Variants in PARVA observed in about 807,000 individuals in gnomAD.
The protein encoded by PARVA is alpha-parvin.
Under a neutral mutation model 52.6 loss-of-function variants are expected in PARVA, and 25 were observed. The observed-to-expected ratio is 0.48, with a 90% CI of 0.35 to 0.66. PARVA has a LOEUF of 0.66. Ranked by LOEUF, PARVA falls within the 30% of genes least tolerant of loss-of-function variation. The probability of loss-of-function intolerance (pLI) is 0.01; values close to 1 mark genes in which losing one functional copy is unlikely to be tolerated. For missense variants in PARVA, 373 were observed against 450.9 expected (o/e 0.83, Z 1.56); for synonymous variants, 185 against 179.1 (o/e 1.03, Z -0.26).
At chr11:12,389,356 C>T (rs1317063328) in intron 1 of PARVA, among the ~76,000 whole-genome samples, 1 of 152,292 alleles carries the variant, frequency 6.6e-6, no homozygotes, top group African/African-American at 2.4e-5. Flanking sequence ...GTCTGAGAAG[C>T]ATGGCCACCA....
chr11:12,422,142 G>A (rs1940159371), intron 1 of PARVA, among the ~76,000 whole-genome samples: 1 of 151,926 alleles, frequency 6.6e-6, no homozygotes, highest in Non-Finnish European at 1.5e-5. Flanking sequence ...TCTATCCATA[G>A]GTCAATTCAC....
In PARVA at chr11:12,484,506, TG is replaced by T. The variant is rs1445135125; in HGVS notation, c.400+6558del. 0.023 allele frequency among the ~76,000 whole-genome samples: 100 copies of T among 4,278 alleles called. 3 individuals are homozygous for T. In the East Asian group the frequency reaches 0.5, roughly 21 times the overall value. 2.8% of individuals were successfully genotyped at this position (4,278 alleles called of 152,430 possible). On this transcript the variant is annotated intron_variant, in intron 4 of 12. Transcript: ENST00000334956. The stretch of plus-strand genomic sequence containing the variant: ...CTGCAGGAGGGTGGTTTTGTTTTGG[TG>T]TGTGTGTGTGTGTGTGTGTGTGTGT...
At chr11:12,453,551 G>A (rs1160457557) in intron 1 of PARVA, among the ~76,000 whole-genome samples, 2 of 152,076 alleles carry the variant, frequency 1.3e-5, no homozygotes, top group Non-Finnish European at 2.9e-5. Flanking sequence ...AATCAGTGAA[G>A]GCTAATAGGC....
rs1178310401 is a variant in PARVA, at chr11:12,393,652, G to A, written c.136+15869G>A. Among the ~76,000 whole-genome samples the A allele has an allele frequency of 2.5e-4, 38 of 152,124 alleles. 1 individual carries two copies. Among genetic ancestry groups the A allele is most frequent in the Admixed American group, 2.0e-3 (31 of 15,284 alleles). On this transcript the variant is annotated intron_variant, in intron 1 of 12. Transcript: ENST00000334956. ...CTTGGGGGACCAGCCTGAATGTGGC[G>A]TATGTCACATCTGCCACTTCCCACT...
At position 12,511,491 on chromosome 11, in the gene PARVA, TTTTC is replaced by T; in HGVS notation, c.717-17_717-14del. On this transcript the variant is annotated intron_variant, in intron 7 of 12. Coordinates refer to ENST00000334956, the MANE Select transcript of PARVA (RefSeq NM_018222.5). ...AAGGGACAAGAGAAGAGTCACACTATTTTCTTTCTCTTTTTCCTCCAGGGCTCTT... is the reference window on the plus strand; with the variant it reads ...AAGGGACAAGAGAAGAGTCACACTATTTTCTCTTTTTCCTCCAGGGCTCTT... 6.2e-7 allele frequency: 1 copy of T among 1,611,500 alleles called. No individual in the cohort carries two copies. Among genetic ancestry groups the T allele is most frequent in the Non-Finnish European group, 8.5e-7 (1 of 1,178,744 alleles).
At chr11:12,470,199 A>C (rs1032872491) in intron 1 of PARVA, among the ~76,000 whole-genome samples, 2 of 152,250 alleles carry the variant, frequency 1.3e-5, no homozygotes, top group African/African-American at 4.8e-5. Flanking sequence ...TTCTGCCTCA[A>C]CTCATAACCT....
At chr11:12,402,648 AG>A (rs1278520050) in intron 1 of PARVA, among the ~76,000 whole-genome samples, 1 of 152,250 alleles carries the variant, frequency 6.6e-6, no homozygotes, top group Non-Finnish European at 1.5e-5. Flanking sequence ...ATACACATCA[AG>A]TGCATAGAAC....
At chr11:12,518,921 C>T (rs181283780) in intron 12 of PARVA, among the ~76,000 whole-genome samples, 49 of 152,256 alleles carry the variant, frequency 3.2e-4, no homozygotes, top group Admixed American at 2.8e-3. Context: ...CTTACAGATG[C>T]GGAGCTCTGC....
rs774924264 is a variant in PARVA at position 12,477,835 on chromosome 11, C to G, written c.298-12C>G. 1.4e-6 allele frequency: 2 copies of G among 1,397,326 alleles called. No individual in the cohort carries two copies. 86.6% of individuals were successfully genotyped at this position (1,397,326 alleles called of 1,614,324 possible). A position where few individuals can be genotyped will look rare whatever the true frequency, so the allele number is the denominator to read the frequency against. ...TCTTACTATTGCACATTCCCTTTCT[C>G]TCTCTCTGTAGGTATTAATTGACTG... is the stretch of plus-strand genomic sequence containing the variant. On this transcript the variant is annotated splice_polypyrimidine_tract_variant and intron_variant, in intron 3 of 12. Transcript: ENST00000334956.
chr11:12,486,448 G>A (rs1426998351), intron 4 of PARVA, among the ~76,000 whole-genome samples: 4 of 151,740 alleles, frequency 2.6e-5, no homozygotes, highest in Non-Finnish European at 4.4e-5. Flanking sequence ...CAGGAGAATC[G>A]CTTGAACTCG....
At chr11:12,461,050 C>T (rs1655828442) in intron 1 of PARVA, among the ~76,000 whole-genome samples, 1 of 152,164 alleles carries the variant, frequency 6.6e-6, no homozygotes, top group African/African-American at 2.4e-5. Context: ...AAAACATCCT[C>T]CAGGTACTTA....
At chr11:12,395,091 C>CAAAAAA (rs901391955) in intron 1 of PARVA, among the ~76,000 whole-genome samples, 1 of 54,906 alleles carries the variant, frequency 1.8e-5, no homozygotes, top group Non-Finnish European at 3.6e-5. Context: ...AACTCCATCT[C>CAAAAAA]AAAAAAAAAA....
chr11:12,462,036 T>G (rs1401688953), intron 1 of PARVA, among the ~76,000 whole-genome samples: 2 of 152,152 alleles, frequency 1.3e-5, no homozygotes, highest in African/African-American at 4.8e-5. Flanking sequence ...GTAGTAAAAC[T>G]TCTCTTGTTT....
chr11:12,404,756 T>C (rs12292762), intron 1 of PARVA, among the ~76,000 whole-genome samples: 44,517 of 152,104 alleles, frequency 0.29, 8,598 homozygotes, highest in African/African-American at 0.55. Flanking sequence ...GCTTTGGACA[T>C]GTGGCATAGC....
At chr11:12,404,257 T>A (rs1428966390) in intron 1 of PARVA, among the ~76,000 whole-genome samples, 1 of 152,170 alleles carries the variant, frequency 6.6e-6, no homozygotes, top group Non-Finnish European at 1.5e-5. Context: ...GGTTGCAGAT[T>A]ATAGCAGGAT....
At chr11:12,400,287 T>A (rs566545084) in intron 1 of PARVA, among the ~76,000 whole-genome samples, 1 of 152,334 alleles carries the variant, frequency 6.6e-6, no homozygotes, top group South Asian at 2.1e-4. Context: ...TATTTGAATT[T>A]CCATGATTAC....
At chr11:12,378,260 CG>C (rs1939433923) in intron 1 of PARVA, among the ~76,000 whole-genome samples, 1 of 152,176 alleles carries the variant, frequency 6.6e-6, no homozygotes, top group Admixed American at 6.5e-5. Flanking sequence ...AAAATCAGGT[CG>C]TTTCCTGGAC....
intron 9 of PARVA, 95 bp downstream of exon 9, chr11:12,513,455 A>G (rs1941528702): frequency 9.1e-7 from 1 of 1,095,372 alleles, no homozygotes; most frequent in South Asian, 1.2e-5. Context: ...TCCTGCCAGA[A>G]CTGGTGGCAT....
intron 1 of PARVA, among the ~76,000 whole-genome samples, chr11:12,460,208 A>G (rs990195939): frequency 6.6e-6 from 1 of 152,152 alleles, no homozygotes; most frequent in African/African-American, 2.4e-5. Flanking sequence ...TAGAAAGCAA[A>G]TGTTGCTACA....
Sources: allele counts gnomAD v4.1 joint callset (sites outside exome capture counted in the v4.1 genomes callset), GRCh38; gene constraint gnomAD v4.1.1; transcripts MANE v1.5; gene names NCBI Gene and HGNC (gene_info 2026-07-23, HGNC 2026-07-21).